Variants in SORCS3 observed in about 807,000 individuals in gnomAD.
SORCS3 encodes the protein sortilin related VPS10 domain containing receptor 3.
In SORCS3, 57 loss-of-function variants were observed where a neutral mutation model predicts 146.3. That is an observed-to-expected ratio of 0.39 (90% confidence interval 0.31 to 0.49). SORCS3 has a LOEUF of 0.49. Ranked by LOEUF, SORCS3 falls within the 20% of genes least tolerant of loss-of-function variation. The pLI is 0.92. For missense variants in SORCS3, 1,341 were observed against 1,575.5 expected (o/e 0.85, Z 2.52); for synonymous variants, 653 against 618.5 (o/e 1.06, Z -0.83).
intron 14 of SORCS3, among the ~76,000 whole-genome samples, chr10:105,199,679 T>A (rs371190073): frequency 7.9e-5 from 12 of 152,102 alleles, no homozygotes; most frequent in African/African-American, 2.9e-4. Flanking sequence ...TTTATATGGG[T>A]GTTGAGTTTG....
intron 1 of SORCS3, among the ~76,000 whole-genome samples, chr10:104,773,897 G>A (rs11593333): frequency 0.16 from 23,814 of 152,154 alleles, 2,325 homozygotes; most frequent in Middle Eastern, 0.29. Context: ...AAACCCAGCA[G>A]TGTCAGCATC....
chr10:105,107,420 A>G lies in SORCS3; in HGVS notation c.1212+1905A>G, dbSNP rs189007376. ...TATGCTAGAATTGTTTCTCGGAAAC[A>G]TGACTTAGAATGTAAAATGTTCAGA... is the stretch of plus-strand genomic sequence containing the variant. On this transcript the variant is annotated intron_variant, in intron 7 of 26. Coordinates refer to ENST00000369701, the MANE Select transcript of SORCS3 (RefSeq NM_014978.3). Among the ~76,000 whole-genome samples the G allele has an allele frequency of 2.0e-3, 310 of 151,964 alleles. 3 individuals are homozygous for G. Among genetic ancestry groups the G allele is most frequent in the Middle Eastern group, 6.8e-3 (2 of 294 alleles).
chr10:104,883,982 G>GT (rs2018656726), intron 2 of SORCS3, among the ~76,000 whole-genome samples: 1 of 151,846 alleles, frequency 6.6e-6, no homozygotes, highest in East Asian at 1.9e-4. Context: ...GAATGAGGGG[G>GT]GGGAAAGGGT....
At position 105,043,116 on chromosome 10, in the gene SORCS3, A is replaced by T. The variant is rs2055348625; in HGVS notation, c.1016A>T (p.Asn339Ile). Residue 339 changes from asparagine to isoleucine, a missense_variant, in exon 5 of 27, where the codon AAC becomes ATC. Asn to Ile is a moderately radical substitution (Grantham distance 149). Transcript: ENST00000369701. ...WQLMHERITP[N>I]RFYWSVAGLD... ...CTCATGCATGAACGCATCACACCCAACAGGTTTTATTGGTAAGCCCTATCC... is the reference window on the plus strand; with the variant it reads ...CTCATGCATGAACGCATCACACCCATCAGGTTTTATTGGTAAGCCCTATCC... 1 of 1,613,718 alleles carries T rather than the reference A, an allele frequency of 6.2e-7. No individual in the cohort carries two copies. Among genetic ancestry groups the T allele is most frequent in the Non-Finnish European group, 8.5e-7 (1 of 1,179,706 alleles).
At chr10:105,016,133 A>AT (rs2055164455) in intron 4 of SORCS3, among the ~76,000 whole-genome samples, 10 of 107,538 alleles carry the variant, frequency 9.3e-5, no homozygotes, top group African/African-American at 2.1e-4. Flanking sequence ...AATATTATAT[A>AT]AATATATATA....
intron 5 of SORCS3, among the ~76,000 whole-genome samples, chr10:105,062,071 A>G (rs779733805): frequency 3.3e-5 from 5 of 152,120 alleles, no homozygotes; most frequent in Admixed American, 6.5e-5. Flanking sequence ...AATTCTTGTT[A>G]TTTTCCTAAG....
At chr10:104,813,751 A>G (rs2017764983) in intron 1 of SORCS3, among the ~76,000 whole-genome samples, 1 of 151,978 alleles carries the variant, frequency 6.6e-6, no homozygotes, top group African/African-American at 2.4e-5. Flanking sequence ...AAAATAATCT[A>G]TCTCTTCCAT....
Position 105,204,577 on chromosome 10 carries a change from A to G in SORCS3, c.2261+3324A>G, listed in dbSNP as rs11192361. Among the ~76,000 whole-genome samples the G allele has an allele frequency of 2.6e-3, 389 of 152,180 alleles. 14 individuals carry two copies. In the East Asian group the frequency reaches 0.059, roughly 23 times the overall value. On this transcript the variant is annotated intron_variant, in intron 16 of 26. Transcript: ENST00000369701. Reference sequence around the variant, plus strand: ...TTTTTTTTGATATATAATGTGGTGTATGTTTGCATTTTTATAGCCAATCAC... The same window carrying G: ...TTTTTTTTGATATATAATGTGGTGTGTGTTTGCATTTTTATAGCCAATCAC...
chr10:104,804,149 G>T (rs769061046), intron 1 of SORCS3, among the ~76,000 whole-genome samples: 1 of 152,104 alleles, frequency 6.6e-6, no homozygotes, highest in Admixed American at 6.6e-5. Context: ...TTTTCACATG[G>T]ATCATCTCAC....
rs546236448 is a variant in SORCS3 at position 104,794,617 on chromosome 10, G to A, written c.628-48175G>A. On this transcript the variant is annotated intron_variant, in intron 1 of 26. Transcript: ENST00000369701. ...TGTGTGTGTGTGTGAGAGAGAGAGA[G>A]GGAGGGAGAGAGAGAGAGAGAGAGA... Among the ~76,000 whole-genome samples the A allele has an allele frequency of 5.0e-3, 391 of 77,662 alleles. 3 individuals are homozygous for A. The highest frequency in any genetic ancestry group is 0.025 in the African/African-American group (375 of 14,816). 50.9% of individuals were successfully genotyped at this position (77,662 alleles called of 152,430 possible). A position where few individuals can be genotyped will look rare whatever the true frequency, so the allele number is the denominator to read the frequency against.
chr10:104,702,195 G>A (rs1436767616), intron 1 of SORCS3, among the ~76,000 whole-genome samples: 4 of 152,124 alleles, frequency 2.6e-5, no homozygotes, highest in Non-Finnish European at 5.9e-5. Flanking sequence ...TGAGCACAAT[G>A]GAAACACACT....
At chr10:104,839,615 AT>A (rs1257558962) in intron 1 of SORCS3, among the ~76,000 whole-genome samples, 1 of 152,184 alleles carries the variant, frequency 6.6e-6, no homozygotes, top group Non-Finnish European at 1.5e-5. Context: ...AATTTCATCC[AT>A]TGGCGGAGGA....
chr10:105,054,235 T>C (rs2133712933), intron 5 of SORCS3, among the ~76,000 whole-genome samples: 1 of 152,142 alleles, frequency 6.6e-6, no homozygotes, highest in South Asian at 2.1e-4. Flanking sequence ...GCATTATGCT[T>C]TTTAGCATAC....
At chr10:104,827,814 CTTCTGAAAACTT>C (rs2017955539) in intron 1 of SORCS3, among the ~76,000 whole-genome samples, 1 of 152,204 alleles carries the variant, frequency 6.6e-6, no homozygotes, top group South Asian at 2.1e-4. Context: ...CAAGGTAGAT[CTTCTGAAAACTT>C]GCTGCAGCTT....
intron 2 of SORCS3, among the ~76,000 whole-genome samples, chr10:104,869,447 G>A (rs1171984395): frequency 6.6e-6 from 1 of 152,174 alleles, no homozygotes; most frequent in Non-Finnish European, 1.5e-5. Context: ...ACATTGAAGA[G>A]GGCCATGTGC....
chr10:105,229,222 G>T (rs1472860993), intron 20 of SORCS3, among the ~76,000 whole-genome samples: 1 of 151,272 alleles, frequency 6.6e-6, no homozygotes, highest in East Asian at 1.9e-4. Context: ...GTGTCTCTTT[G>T]GTAAATTTCT....
chr10:105,260,356 G>A (rs1415255557), intron 25 of SORCS3, among the ~76,000 whole-genome samples: 1 of 152,174 alleles, frequency 6.6e-6, no homozygotes, highest in East Asian at 1.9e-4. Flanking sequence ...TTATGATTGG[G>A]AGGAATCTCA....
Position 104,827,072 on chromosome 10 carries a change from G to A in SORCS3, c.628-15720G>A, listed in dbSNP as rs2017944944. Among the ~76,000 whole-genome samples, 5 of 152,174 alleles carry A rather than the reference G, an allele frequency of 3.3e-5. 1 individual carries two copies. The South Asian group carries it at 1.0e-3, about 32-fold the overall frequency. On this transcript the variant is annotated intron_variant, in intron 1 of 26. Transcript: ENST00000369701. ...TCTTGCTATTTCGACCATATCTGCA[G>A]TTACTTTGTCCACTGAAGTCTTAAA...
chr10:104,814,545 C>T (rs1470003647), intron 1 of SORCS3, among the ~76,000 whole-genome samples: 1 of 152,162 alleles, frequency 6.6e-6, no homozygotes, highest in African/African-American at 2.4e-5. Context: ...CCTATTCATC[C>T]TCTAGAACTC....
Sources: allele counts gnomAD v4.1 joint callset (sites outside exome capture counted in the v4.1 genomes callset), GRCh38; gene constraint gnomAD v4.1.1; transcripts MANE v1.5; gene names NCBI Gene and HGNC (gene_info 2026-07-23, HGNC 2026-07-21).